ZNF492: variants seen among roughly 807,000 people sequenced by gnomAD.
ZNF492 encodes zinc finger protein 492.
Under a neutral mutation model 6.4 loss-of-function variants are expected in ZNF492, and 3 were observed. The ratio of observed to expected loss-of-function variants is 0.47; its 90% CI spans 0.21 to 1.22. The LOEUF is 1.22. Ranked by LOEUF, ZNF492 falls within the 50% of genes most tolerant of loss-of-function variation. ZNF492 has a pLI of 0.22. For synonymous variants in ZNF492, 112 were observed against 205.3 expected (o/e 0.55, Z 3.89); for missense variants, 356 against 612.5 (o/e 0.58, Z 4.42).
In ZNF492 at chr19:22,667,200, C is replaced by T. The variant is rs898685412; in HGVS notation, c.*1935C>T. 2.0e-5 allele frequency: 3 copies of T among 152,144 alleles called. No individual in the cohort carries two copies. The highest frequency in any genetic ancestry group is 2.9e-5 in the Non-Finnish European group (2 of 68,032). 9.4% of individuals were successfully genotyped at this position (152,144 alleles called of 1,614,324 possible). A position where few individuals can be genotyped will look rare whatever the true frequency, so the allele number is the denominator to read the frequency against. ...CCGAGATCATGCCATGGCACTCCGT[C>T]CTGGGTGACAAAGTGAGACTCCCTC... On this transcript the variant is annotated 3_prime_UTR_variant, in exon 4 of 4. Coordinates refer to ENST00000456783, the MANE Select transcript of ZNF492 (RefSeq NM_020855.3).
At chr19:22,655,970 G>T (rs577243022) in intron 3 of ZNF492, among the ~76,000 whole-genome samples, 3 of 143,782 alleles carry the variant, frequency 2.1e-5, no homozygotes, top group Admixed American at 2.1e-4. Flanking sequence ...GACTACAGGT[G>T]CGTGCCACCA....
rs760041910 is a variant in ZNF492, at chr19:22,655,813, G to GTTTTTTT, written c.130+1800_130+1801insTTTTTTT. On this transcript the variant is annotated intron_variant, in intron 3 of 3. Transcript: ENST00000456783. Reference sequence around the variant, plus strand: ...GCAAACACCTCTTCAAGTTTTTCTTGTTGTTTTTTTTTTTTTTTTTTTTTT... The same window carrying GTTTTTTT: ...GCAAACACCTCTTCAAGTTTTTCTTGTTTTTTTTTGTTTTTTTTTTTTTTTTTTTTTT... 1.2e-4 allele frequency among the ~76,000 whole-genome samples: 8 copies of GTTTTTTT among 64,888 alleles called. 1 individual carries two copies. Among genetic ancestry groups the GTTTTTTT allele is most frequent in the East Asian group, 4.4e-4 (1 of 2,290 alleles). The allele number at this position is 64,888 out of a possible 152,430, so 42.6% of individuals were successfully genotyped here. A position where few individuals can be genotyped will look rare whatever the true frequency, so the allele number is the denominator to read the frequency against.
Position 22,665,488 on chromosome 19 carries a change from A to C in ZNF492, c.*223A>C. The C allele has an allele frequency of 1.1e-6, 1 of 905,242 alleles. No homozygotes were observed. The highest frequency in any genetic ancestry group is 1.6e-6 in the Non-Finnish European group (1 of 639,758). 56.1% of individuals were successfully genotyped at this position (905,242 alleles called of 1,614,324 possible). A position where few individuals can be genotyped will look rare whatever the true frequency, so the allele number is the denominator to read the frequency against. On this transcript the variant is annotated 3_prime_UTR_variant, in exon 4 of 4. Transcript: ENST00000456783. ...AATATCTGTGCACATCTTATTCAAC[A>C]TCAGAGTTTATATTAATAGCATTAA...
rs370256405 is a variant in ZNF492 at position 22,663,809 on chromosome 19, C to G, written c.140C>G (p.Ser47Cys). The change falls in exon 4 of 4, where the codon TCT becomes TGT. Residue 47 changes from serine to cysteine, a missense_variant. Transcript: ENST00000456783. Reference protein sequence around the residue: ...EMVAEPPVVCSYFARDLWPKQ... With the variant: ...EMVAEPPVVCCYFARDLWPKQ... ...TTTTTATTTCTTTCAGTTGTATGTT[C>G]TTATTTTGCCCGAGACCTTTGGCCA... 6.0e-6 allele frequency: 9 copies of G among 1,512,490 alleles called. No individual in the cohort carries two copies. The highest frequency in any genetic ancestry group is 6.2e-6 in the Non-Finnish European group (7 of 1,135,278). The allele number at this position is 1,512,490 out of a possible 1,614,324, so 93.7% of individuals were successfully genotyped here.
chr19:22,658,129 G>A (rs1366260088), intron 3 of ZNF492, among the ~76,000 whole-genome samples: 1 of 151,994 alleles, frequency 6.6e-6, no homozygotes, highest in African/African-American at 2.4e-5. Flanking sequence ...CTATTTAAAT[G>A]TACATTTCAT....
intron 3 of ZNF492, among the ~76,000 whole-genome samples, chr19:22,657,712 A>T (rs913317002): frequency 5.9e-5 from 9 of 152,010 alleles, no homozygotes; most frequent in African/African-American, 2.2e-4. Context: ...ACATAAGTTT[A>T]TTGTGTTTTT....
Position 22,664,168 on chromosome 19 carries a change from A to G in ZNF492, c.499A>G (p.Lys167Glu), listed in dbSNP as rs1489955061. Residue 167 changes from lysine to glutamate, a missense_variant, in exon 4 of 4, where the codon AAA (lysine) becomes GAA (glutamate). By Grantham distance (56) the Lys-to-Glu change is moderately conservative. Transcript: ENST00000456783. ...ACATAAAAGAATTCATAGTGGAGAG[A>G]AACCCTACAAATGTAAAGAATGTGG... ...AQHKRIHSGE[K>E]PYKCKECGKA... The G allele has an allele frequency of 1.2e-6, 2 of 1,608,800 alleles. No individual in the cohort carries two copies. The highest frequency in any genetic ancestry group is 1.7e-5 in the Admixed American group (1 of 58,898).
chr19:22,643,142 C>G (rs1364548886), intron 1 of ZNF492, among the ~76,000 whole-genome samples: 1 of 152,022 alleles, frequency 6.6e-6, no homozygotes, highest in Non-Finnish European at 1.5e-5. Context: ...GGCATGGTGG[C>G]GCATGCCTGT....
chr19:22,638,407 G>A (rs1337616954), intron 1 of ZNF492, among the ~76,000 whole-genome samples: 1 of 152,080 alleles, frequency 6.6e-6, no homozygotes, highest in Non-Finnish European at 1.5e-5. Flanking sequence ...TGTAATGAAA[G>A]GGTCCAGTTT....
chr19:22,664,608 A>C lies in ZNF492; in HGVS notation c.939A>C (p.Glu313Asp), dbSNP rs555863246. The C allele has an allele frequency of 2.5e-6, 4 of 1,613,454 alleles. No homozygotes were observed. Among genetic ancestry groups the C allele is most frequent in the South Asian group, 1.1e-5 (1 of 91,014 alleles). The change falls in exon 4 of 4, where the codon GAA becomes GAC. Residue 313 changes from glutamate to aspartate, a missense_variant. Glu to Asp is a conservative substitution (Grantham distance 45). Transcript: ENST00000456783. ...HTGEKFYKCEECGKAFSQLSH... is the reference protein window; with the variant it reads ...HTGEKFYKCEDCGKAFSQLSH... ...GAGAGAAATTCTACAAATGTGAAGA[A>C]TGTGGTAAGGCCTTTAGCCAGTTAT...
In ZNF492 at chr19:22,664,615, A is replaced by G. The variant is rs1972099267; in HGVS notation, c.946A>G (p.Lys316Glu). Reference sequence around the variant, plus strand: ...ATTCTACAAATGTGAAGAATGTGGTAAGGCCTTTAGCCAGTTATCCCACCT... The same window carrying G: ...ATTCTACAAATGTGAAGAATGTGGTGAGGCCTTTAGCCAGTTATCCCACCT... ...EKFYKCEECG[K>E]AFSQLSHLTT... is the part of the protein sequence containing the mutation. Residue 316 changes from lysine to glutamate, a missense_variant, in exon 4 of 4, where the codon AAG becomes GAG. By Grantham distance (56) the Lys-to-Glu change is moderately conservative (BLOSUM62 1). Transcript: ENST00000456783. 6.2e-7 allele frequency: 1 copy of G among 1,613,734 alleles called. No homozygotes were observed.
At chr19:22,655,813 G>GTTTTTTTTTT (rs760041910) in intron 3 of ZNF492, among the ~76,000 whole-genome samples, 9 of 64,890 alleles carry the variant, frequency 1.4e-4, no homozygotes, top group South Asian at 4.4e-4. Context: ...AGTTTTTCTT[G>GTTTTTTTTTT]TTGTTTTTTT....
intron 1 of ZNF492, among the ~76,000 whole-genome samples, chr19:22,649,130 C>CA (rs1971914131): frequency 6.6e-6 from 1 of 152,156 alleles, no homozygotes. Context: ...CTGGTGGAGA[C>CA]AAAATCCCTC....
At chr19:22,657,763 A>G (rs1451387791) in intron 3 of ZNF492, among the ~76,000 whole-genome samples, 1 of 152,096 alleles carries the variant, frequency 6.6e-6, no homozygotes, top group East Asian at 1.9e-4. Flanking sequence ...CTGTTTTTAC[A>G]TGTAAGTCGG....
At chr19:22,637,418 A>G (rs1213766877) in intron 1 of ZNF492, among the ~76,000 whole-genome samples, 1 of 152,000 alleles carries the variant, frequency 6.6e-6, no homozygotes, top group African/African-American at 2.4e-5. Context: ...TTAGCCCCCC[A>G]AGTAGCTGGG....
At position 22,666,078 on chromosome 19, in the gene ZNF492, ATTAC is replaced by A. The variant is rs1296184426; in HGVS notation, c.*816_*819del. On this transcript the variant is annotated 3_prime_UTR_variant, in exon 4 of 4. Transcript: ENST00000456783. ...TTTTTTAAAAGTAAATAACTCTCAA[ATTAC>A]TTCATACAAATAATGTTGTAATTAA... 6.6e-6 allele frequency: 1 copy of A among 152,216 alleles called. No individual in the cohort carries two copies. The highest frequency in any genetic ancestry group is 2.1e-4 in the South Asian group (1 of 4,832). 9.4% of individuals were successfully genotyped at this position (152,216 alleles called of 1,614,324 possible).
chr19:22,641,602 A>C (rs1446448405), intron 1 of ZNF492, among the ~76,000 whole-genome samples: 1 of 152,116 alleles, frequency 6.6e-6, no homozygotes, highest in African/African-American at 2.4e-5. Flanking sequence ...GTTCTGTAGA[A>C]ATCTATTAGG....
chr19:22,634,950 G>A (rs903732293), intron 1 of ZNF492, among the ~76,000 whole-genome samples: 1 of 152,216 alleles, frequency 6.6e-6, no homozygotes, highest in African/African-American at 2.4e-5. Flanking sequence ...AGAGCACCCA[G>A]CTGTGGGTTG....
At chr19:22,634,824 G>A (rs1184256264) in intron 1 of ZNF492, among the ~76,000 whole-genome samples, 1 of 152,176 alleles carries the variant, frequency 6.6e-6, no homozygotes, top group Admixed American at 6.5e-5. Context: ...TCACGAATGG[G>A]AAGAGCTTTG....
Sources: gnomAD v4.1 joint callset for allele counts (sites outside exome capture counted in the v4.1 genomes callset) on GRCh38, gnomAD v4.1.1 for gene constraint, MANE v1.5 for transcripts, NCBI Gene and HGNC (gene_info 2026-07-23, HGNC 2026-07-21) for gene names.